TTC34: variants seen among roughly 807,000 people sequenced by gnomAD.
The protein encoded by TTC34 is tetratricopeptide repeat domain 34.
Under a neutral mutation model 40.7 loss-of-function variants are expected in TTC34, and 44 were observed. The ratio of observed to expected loss-of-function variants is 1.08; its 90% CI spans 0.85 to 1.39. TTC34 has a LOEUF of 1.39. Ranked by LOEUF, TTC34 falls within the 40% of genes most tolerant of loss-of-function variation. The probability of loss-of-function intolerance (pLI) is 0.00; values close to 1 mark genes in which losing one functional copy is unlikely to be tolerated. For missense variants in TTC34, 884 were observed against 838.0 expected (o/e 1.05, Z -0.68); for synonymous variants, 422 against 398.6 (o/e 1.06, Z -0.70).
intron 6 of TTC34, among the ~76,000 whole-genome samples, chr1:2,768,044 A>G (rs371178739): frequency 3.3e-5 from 5 of 150,478 alleles, no homozygotes; most frequent in Admixed American, 3.3e-4. Flanking sequence ...GCACCCCACA[A>G]CCCCAGGTGA....
intron 6 of TTC34, among the ~76,000 whole-genome samples, chr1:2,749,470 A>G (rs2100424844): frequency 8.7e-6 from 1 of 114,912 alleles, no homozygotes; most frequent in East Asian, 2.6e-4. Flanking sequence ...GACGGCCTGG[A>G]ACAGCACCCA....
At position 2,692,452 on chromosome 1, in the gene TTC34, C is replaced by A. The variant is rs1166351236; in HGVS notation, c.2227-46889G>T. Among the ~76,000 whole-genome samples the A allele has an allele frequency of 1.8e-5, 2 of 111,798 alleles. 1 individual carries two copies. The allele number at this position is 111,798 out of a possible 152,430, so 73.3% of individuals were successfully genotyped here. A position where few individuals can be genotyped will look rare whatever the true frequency, so the allele number is the denominator to read the frequency against. ...CAGGTGAGCATCTGACTGCCTGGAG[C>A]AGCACCCACACCCCCAGGTGAGCAT... On this transcript the variant is annotated intron_variant, in intron 6 of 8. Coordinates refer to ENST00000401095, the Ensembl canonical transcript of TTC34.
At chr1:2,648,490 C>T (rs573608227) in intron 6 of TTC34, among the ~76,000 whole-genome samples, 116 of 152,186 alleles carry the variant, frequency 7.6e-4, no homozygotes, top group Non-Finnish European at 1.3e-3. Context: ...TCTCAGGTCA[C>T]AGCTCTTTGC....
At chr1:2,687,486 A>T (rs1280666811) in intron 6 of TTC34, among the ~76,000 whole-genome samples, 1 of 35,862 alleles carries the variant, frequency 2.8e-5, no homozygotes. Context: ...GCACCCACAC[A>T]CTCAGGCGAG....
At chr1:2,647,137 C>G (rs1225973860) in intron 6 of TTC34, among the ~76,000 whole-genome samples, 1 of 151,622 alleles carries the variant, frequency 6.6e-6, no homozygotes, top group East Asian at 1.9e-4. Flanking sequence ...AGGGGTGGTT[C>G]TCTTTCTATT....
intron 6 of TTC34, among the ~76,000 whole-genome samples, chr1:2,751,494 T>C (rs1641318006): frequency 2.3e-5 from 1 of 43,508 alleles, no homozygotes; most frequent in Admixed American, 3.3e-4. Context: ...CATGCCCAGG[T>C]GAGCCTCTGA....
chr1:2,784,929 T>A (rs557263395), intron 5 of TTC34, among the ~76,000 whole-genome samples: 1 of 151,812 alleles, frequency 6.6e-6, no homozygotes, highest in South Asian at 2.1e-4. Flanking sequence ...TGGGTGTTGT[T>A]CTGTGACGGA....
At chr1:2,683,162 C>A (rs1316773760) in intron 6 of TTC34, among the ~76,000 whole-genome samples, 2 of 138,632 alleles carry the variant, frequency 1.4e-5, no homozygotes, top group African/African-American at 5.5e-5. Flanking sequence ...CCCAGGAGAG[C>A]ATCCGGCAGC....
intron 3 of TTC34, among the ~76,000 whole-genome samples, chr1:2,788,357 GTGTGT>G (rs1643619724): frequency 6.6e-6 from 1 of 151,942 alleles, no homozygotes; most frequent in Admixed American, 6.6e-5. Context: ...TGTGTGGTGT[GTGTGT>G]TGTATGTGTG....
chr1:2,653,416 G>C (rs1193098865), intron 6 of TTC34, among the ~76,000 whole-genome samples: 3 of 151,564 alleles, frequency 2.0e-5, no homozygotes, highest in Non-Finnish European at 4.4e-5. Context: ...ACCCCCAGGT[G>C]AGCATCTGAC....
chr1:2,683,475 C>A (rs946115618), intron 6 of TTC34, among the ~76,000 whole-genome samples: 36 of 144,894 alleles, frequency 2.5e-4, no homozygotes, highest in East Asian at 6.0e-4. Flanking sequence ...ACCCACACCA[C>A]CAGGCGAGCA....
chr1:2,752,837 C>G (rs1641369479), intron 6 of TTC34, among the ~76,000 whole-genome samples: 1 of 149,822 alleles, frequency 6.7e-6, no homozygotes, highest in African/African-American at 2.5e-5. Context: ...ACCTGACAGA[C>G]TGGAACAGCA....
At chr1:2,684,720 C>G (rs1262707755) in intron 6 of TTC34, among the ~76,000 whole-genome samples, 1 of 128,762 alleles carries the variant, frequency 7.8e-6, no homozygotes, top group Non-Finnish European at 1.6e-5. Context: ...ACCACACCCC[C>G]AGGCGAGCAT....
chr1:2,771,836 G>A (rs1318702712), intron 6 of TTC34, among the ~76,000 whole-genome samples: 52 of 42,936 alleles, frequency 1.2e-3, no homozygotes, highest in Admixed American at 1.8e-3. Context: ...CTGGAGCAGC[G>A]CCCACACACT....
chr1:2,800,409 C>T (rs1490424064), exon 2 of TTC34: 3 of 398,486 alleles, frequency 7.5e-6, no homozygotes, highest in African/African-American at 4.1e-5. Flanking sequence ...GCGGGTCAGC[C>T]GCAGCTCCAG....
exon 9 of TTC34, chr1:2,641,524 G>A (rs1017977605): frequency 2.3e-5 from 35 of 1,535,186 alleles, no homozygotes; most frequent in Middle Eastern, 3.4e-4. Context: ...CGCGGAGAAG[G>A]AACATGCGTG....
At chr1:2,640,694 A>G (rs1298135085) in exon 9 of TTC34, 1 of 151,966 alleles carries the variant, frequency 6.6e-6, no homozygotes, top group Non-Finnish European at 1.5e-5. Context: ...GTCCAAGCAA[A>G]ACGCAGCTTC....
exon 9 of TTC34, chr1:2,637,091 T>C (rs1289201266): frequency 6.6e-6 from 1 of 152,150 alleles, no homozygotes; most frequent in African/African-American, 2.4e-5. Context: ...TCTCTCCTAG[T>C]GTGGCTGGGT....
At chr1:2,698,965 CT>C (rs1640998748) in intron 6 of TTC34, among the ~76,000 whole-genome samples, 3 of 138,314 alleles carry the variant, frequency 2.2e-5, no homozygotes, top group Non-Finnish European at 4.9e-5. Flanking sequence ...GAACATCACC[CT>C]GCCCCCCCAG....
Sources: gnomAD v4.1 joint callset for allele counts (sites outside exome capture counted in the v4.1 genomes callset) on GRCh38, gnomAD v4.1.1 for gene constraint, MANE v1.5 for transcripts, NCBI Gene and HGNC (gene_info 2026-07-23, HGNC 2026-07-21) for gene names.